The following TJP1 variants were observed in gnomAD, a reference collection of about 807,000 sequenced individuals.
TJP1 encodes the protein tight junction protein ZO-1.
In TJP1, 43 loss-of-function variants were observed where a neutral mutation model predicts 194.2. The ratio of observed to expected loss-of-function variants is 0.22; its 90% CI spans 0.17 to 0.29. TJP1 has a LOEUF of 0.29. TJP1 is among the 10% of genes least tolerant of loss of function. TJP1 has a pLI of 1.00. For synonymous variants in TJP1, 801 were observed against 779.0 expected (o/e 1.03, Z -0.47); for missense variants, 1,971 against 2,185.7 (o/e 0.90, Z 1.96).
intron 25 of TJP1, 69 bp from the exon 26 acceptor site, chr15:29,705,814 T>A: frequency 1.5e-6 from 2 of 1,312,002 alleles, no homozygotes; most frequent in African/African-American, 1.5e-5. Context: ...TTACTACTAC[T>A]GTATTACGTG....
chr15:29,708,591 A>G lies in TJP1; in HGVS notation c.4818T>C (p.Asn1606=), dbSNP rs773331420. The G allele has an allele frequency of 1.9e-6, 3 of 1,613,584 alleles. No individual in the cohort carries two copies. Among genetic ancestry groups the G allele is most frequent in the Non-Finnish European group, 2.5e-6 (3 of 1,179,516 alleles). The part of the protein sequence containing the change: ...HAEKPKYQIN[N]ISTVPKAIPV... ...GAATAGCTTTAGGCACTGTGCTGAT[A>G]TTATTTATTTGATATTTAGGCTTCT... The change falls in exon 25 of 28, where the codon AAT becomes AAC. Residue 1606 remains asparagine, a synonymous_variant. Transcript: ENST00000614355.
intron 1 of TJP1, among the ~76,000 whole-genome samples, chr15:29,813,611 T>C (rs2049689362): frequency 1.3e-5 from 2 of 152,164 alleles, no homozygotes; most frequent in South Asian, 4.1e-4. Flanking sequence ...TCAAAACTAG[T>C]GCTTTCAGAA....
intron 1 of TJP1, among the ~76,000 whole-genome samples, chr15:29,803,502 TA>T (rs1715006524): frequency 6.6e-6 from 1 of 152,162 alleles, no homozygotes; most frequent in Non-Finnish European, 1.5e-5. Context: ...TTGGGTGTAT[TA>T]AATGCATTTT....
chr15:29,735,405 G>A (rs1286483991), intron 11 of TJP1, among the ~76,000 whole-genome samples: 7 of 151,790 alleles, frequency 4.6e-5, no homozygotes, highest in African/African-American at 1.2e-4. Context: ...TCTGGGCCAC[G>A]TGGTGAAACC....
At chr15:29,858,818 A>T (rs181495103) in intron 2 of TJP1, among the ~76,000 whole-genome samples, 2 of 152,248 alleles carry the variant, frequency 1.3e-5, no homozygotes, top group East Asian at 3.9e-4. Context: ...AGTAGCTGGG[A>T]CTACAGGCCT....
intron 2 of TJP1, among the ~76,000 whole-genome samples, chr15:29,862,954 C>A (rs1351900818): frequency 6.7e-6 from 1 of 148,936 alleles, no homozygotes; most frequent in Non-Finnish European, 1.5e-5. Context: ...AGCTGGGGAT[C>A]GGTTTTTATA....
intron 9 of TJP1, among the ~76,000 whole-genome samples, chr15:29,742,126 G>A (rs976592157): frequency 3.3e-5 from 5 of 151,896 alleles, no homozygotes; most frequent in Non-Finnish European, 5.9e-5. Flanking sequence ...AGCCAGGTGC[G>A]GTGGTGCACA....
chr15:29,833,526 T>C (rs2050901723), intron 2 of TJP1, among the ~76,000 whole-genome samples: 1 of 151,712 alleles, frequency 6.6e-6, no homozygotes, highest in South Asian at 2.1e-4. Flanking sequence ...CCCGAGTAGC[T>C]GAAATTACAG....
chr15:29,770,604 C>T (rs887196598), intron 4 of TJP1, among the ~76,000 whole-genome samples: 3 of 147,662 alleles, frequency 2.0e-5, no homozygotes, highest in Admixed American at 6.8e-5. Context: ...CCCAGCTACT[C>T]GGGACGCTGA....
At chr15:29,732,987 T>A in intron 13 of TJP1, 107 bp downstream of exon 13, 1 of 1,328,656 alleles carries the variant, frequency 7.5e-7, no homozygotes, top group African/African-American at 1.5e-5. Flanking sequence ...ATACGTTGAA[T>A]ACAATGAAAA....
Position 29,719,858 on chromosome 15 carries a change from T to C in TJP1, c.2922A>G (p.Leu974=). ...STSYSPQADS[L]RTPSTEAAHI... Reference sequence around the variant, plus strand: ...GAGCTGCCTCAGTACTTGGTGTTCTTAAAGAATCAGCTTGTGGTGAGTAAG... The same window carrying C: ...GAGCTGCCTCAGTACTTGGTGTTCTCAAAGAATCAGCTTGTGGTGAGTAAG... Residue 974 remains leucine (L), a synonymous_variant, in exon 20 of 28, where the codon TTA becomes TTG. Coordinates refer to ENST00000614355, the MANE Select transcript of TJP1 (RefSeq NM_001330239.4). 1 of 1,614,184 alleles carries C rather than the reference T, an allele frequency of 6.2e-7. No homozygotes were observed. Among genetic ancestry groups the C allele is most frequent in the Non-Finnish European group, 8.5e-7 (1 of 1,180,030 alleles).
At chr15:29,895,038 C>T (rs2053433786) in intron 2 of TJP1, among the ~76,000 whole-genome samples, 1 of 152,180 alleles carries the variant, frequency 6.6e-6, no homozygotes, top group African/African-American at 2.4e-5. Flanking sequence ...TGTTCTGCCA[C>T]CAAGGCCCTT....
intron 2 of TJP1, among the ~76,000 whole-genome samples, chr15:29,853,956 G>A (rs1001083970): frequency 6.6e-6 from 1 of 152,014 alleles, no homozygotes; most frequent in Non-Finnish European, 1.5e-5. Flanking sequence ...GCAGATAGTC[G>A]CTATACTTTC....
upstream of TJP1, chr15:29,968,916 G>T: frequency 4.4e-6 from 1 of 226,216 alleles, no homozygotes; most frequent in Non-Finnish European, 7.2e-6. Flanking sequence ...CTGCGGCCGT[G>T]CGTGGCCCGG....
intron 10 of TJP1, among the ~76,000 whole-genome samples, chr15:29,738,046 T>C (rs1023090481): frequency 6.6e-6 from 1 of 152,122 alleles, no homozygotes; most frequent in Non-Finnish European, 1.5e-5. Flanking sequence ...ATTCTGTCCC[T>C]TTCTAGTTCT....
At chr15:29,941,134 C>T (rs543076480) in intron 2 of TJP1, among the ~76,000 whole-genome samples, 2 of 152,322 alleles carry the variant, frequency 1.3e-5, no homozygotes, top group South Asian at 4.1e-4. Context: ...AACTCTACTT[C>T]CACCTCTGCA....
At chr15:29,814,927 G>T (rs1009225387) in intron 1 of TJP1, among the ~76,000 whole-genome samples, 3 of 152,186 alleles carry the variant, frequency 2.0e-5, no homozygotes, top group African/African-American at 7.2e-5. Context: ...ATATGACAGG[G>T]TTTTGTTATC....
At chr15:29,949,611 T>C (rs1017066602) in intron 2 of TJP1, among the ~76,000 whole-genome samples, 3,409 of 21,848 alleles carry the variant, frequency 0.16, 1 homozygote, top group Middle Eastern at 0.29. Flanking sequence ...ACCTCCACCT[T>C]CACCACCACC....
chr15:29,929,504 C>T (rs2054633392), intron 2 of TJP1, among the ~76,000 whole-genome samples: 1 of 152,106 alleles, frequency 6.6e-6, no homozygotes, highest in South Asian at 2.1e-4. Context: ...TGATACCAGC[C>T]TGGCCAACAC....
Sources: gnomAD v4.1 joint callset for allele counts (sites outside exome capture counted in the v4.1 genomes callset) on GRCh38, gnomAD v4.1.1 for gene constraint, MANE v1.5 for transcripts, NCBI Gene and HGNC (gene_info 2026-07-23, HGNC 2026-07-21) for gene names.